The following EPG5 variants were observed in gnomAD, a reference collection of about 807,000 sequenced individuals.
EPG5 encodes ectopic P granules protein 5 homolog.
Under a neutral mutation model 302.7 loss-of-function variants are expected in EPG5, and 159 were observed. The ratio of observed to expected loss-of-function variants is 0.53; its 90% CI spans 0.46 to 0.60. The LOEUF is 0.60. Ranked by LOEUF, EPG5 falls within the 20% of genes least tolerant of loss-of-function variation. The pLI, the probability that EPG5 is intolerant of heterozygous loss-of-function variation, is 0.00. For synonymous variants in EPG5, 1,158 were observed against 1,136.8 expected, an observed-to-expected ratio of 1.02 and a Z score of -0.37; for missense variants, 2,896 against 3,092.4, an observed-to-expected ratio of 0.94 and a Z score of 1.51.
At chr18:45,935,660 G>C (rs1218754934) in intron 10 of EPG5, among the ~76,000 whole-genome samples, 1 of 152,190 alleles carries the variant, frequency 6.6e-6, no homozygotes, top group Non-Finnish European at 1.5e-5. Context: ...CTGTGGATGT[G>C]TGTGTCTGAG....
chr18:45,924,384 G>A (rs2050224306), intron 14 of EPG5, among the ~76,000 whole-genome samples: 1 of 152,224 alleles, frequency 6.6e-6, no homozygotes, highest in South Asian at 2.1e-4. Flanking sequence ...AGAGGGCCCA[G>A]ATGAATCTAT....
chr18:45,863,815 AG>A (rs1165189614), intron 39 of EPG5, among the ~76,000 whole-genome samples: 1 of 152,064 alleles, frequency 6.6e-6, no homozygotes. Flanking sequence ...CTGGATGTAA[AG>A]GGTTTTGTTT....
the EPG5 span, among the ~76,000 whole-genome samples, chr18:45,823,809 C>T: frequency 6.6e-6 from 1 of 152,070 alleles, no homozygotes. Context: ...ACAGCACGTG[C>T]GAGGAAGGAG....
At chr18:45,899,337 C>A in intron 27 of EPG5, 67 bp downstream of exon 27, 1 of 1,573,290 alleles carries the variant, frequency 6.4e-7, no homozygotes, top group South Asian at 1.1e-5. Context: ...CAATCTTTCT[C>A]ATTGATAAGC....
chr18:45,947,131 G>C lies in EPG5; in HGVS notation c.1572-363C>G, dbSNP rs374819642. Among the ~76,000 whole-genome samples the C allele has an allele frequency of 2.0e-3, 297 of 152,240 alleles. 1 individual carries two copies. Among genetic ancestry groups the C allele is most frequent in the Middle Eastern group, 0.014 (4 of 294 alleles). ...AGTTACTGAATAAAAAAGGGTAATG[G>C]AGGCTGGGCGTGGTGGCTCACGCCT... On this transcript the variant is annotated intron_variant, in intron 6 of 43. Coordinates refer to ENST00000282041, the MANE Select transcript of EPG5 (RefSeq NM_020964.3).
intron 31 of EPG5, 85 bp downstream of exon 31, chr18:45,882,189 C>G (rs1337015976): frequency 8.4e-7 from 1 of 1,194,002 alleles, no homozygotes; most frequent in African/African-American, 1.5e-5. Flanking sequence ...ACTTTCATAT[C>G]TTTGAATAAC....
intron 42 of EPG5, among the ~76,000 whole-genome samples, chr18:45,857,191 CCT>C (rs771421629): frequency 2.6e-5 from 4 of 152,074 alleles, no homozygotes; most frequent in Non-Finnish European, 5.9e-5. Flanking sequence ...CTCACTGAAA[CCT>C]CTGTCTCCCG....
At chr18:45,950,454 T>C (rs1358991906) in intron 4 of EPG5, among the ~76,000 whole-genome samples, 1 of 152,224 alleles carries the variant, frequency 6.6e-6, no homozygotes, top group African/African-American at 2.4e-5. Context: ...TTTCTGCTCT[T>C]GCTTCTTCCT....
chr18:45,897,883 A>T (rs1191452651), intron 27 of EPG5, among the ~76,000 whole-genome samples: 24 of 152,240 alleles, frequency 1.6e-4, no homozygotes, highest in Admixed American at 1.6e-3. Context: ...AAAGAAGGGA[A>T]ATTTCTGAAA....
chr18:45,805,423 TA>T, the EPG5 span, among the ~76,000 whole-genome samples: 87,554 of 132,390 alleles, frequency 0.66, 27,689 homozygotes, highest in East Asian at 0.91. Flanking sequence ...AGAGCTTCTG[TA>T]AAAAAAAAAA....
Position 45,930,693 on chromosome 18 carries a change from C to G in EPG5, c.2395G>C (p.Val799Leu), listed in dbSNP as rs376598755. ...NVDEDFIKII[V>L]LEIYEVSYVT... Reference sequence around the variant, plus strand: ...ATTCTAACCTCATATATCTCCAGAACAATAATTTTTATGAAGTCTTCGTCC... The same window carrying G: ...ATTCTAACCTCATATATCTCCAGAAGAATAATTTTTATGAAGTCTTCGTCC... Residue 799 changes from valine (V) to leucine (L), a missense_variant, in exon 12 of 44, where the codon GTT becomes CTT. Physicochemically the swap from Val to Leu is conservative, Grantham distance 32. Coordinates refer to ENST00000282041, the MANE Select transcript of EPG5 (RefSeq NM_020964.3). 6.3e-6 allele frequency: 10 copies of G among 1,592,194 alleles called. No homozygotes were observed. The African/African-American group carries it at 1.4e-4, about 22-fold the overall frequency.
chr18:45,870,778 T>C, intron 35 of EPG5, 36 bp from the exon 36 acceptor site: 2 of 1,447,464 alleles, frequency 1.4e-6, no homozygotes, highest in East Asian at 2.4e-5. Context: ...TGAAGACCTT[T>C]GGTTTACCTT....
chr18:45,960,824 A>G (rs1469616243), intron 1 of EPG5, among the ~76,000 whole-genome samples: 1 of 152,182 alleles, frequency 6.6e-6, no homozygotes, highest in African/African-American at 2.4e-5. Context: ...ATTTAAAACT[A>G]AAGTTTTTTT....
intron 40 of EPG5, among the ~76,000 whole-genome samples, chr18:45,859,056 G>C (rs2048578309): frequency 6.6e-6 from 1 of 152,154 alleles, no homozygotes; most frequent in African/African-American, 2.4e-5. Context: ...ATTCAGGGCT[G>C]CATACGTATA....
At chr18:45,825,869 A>C in the EPG5 span, 1 of 1,530,272 alleles carries the variant, frequency 6.5e-7, no homozygotes, top group Non-Finnish European at 9.0e-7. Context: ...GAAGGCAGGA[A>C]GCAGGTGTGC....
intron 10 of EPG5, among the ~76,000 whole-genome samples, chr18:45,936,767 C>A (rs2050535949): frequency 7.4e-6 from 1 of 134,304 alleles, no homozygotes. Flanking sequence ...TGTACAGCAA[C>A]TTACCTGTTA....
chr18:45,949,629 TAAAAG>T (rs2050860699), intron 4 of EPG5, 38 bp from the exon 5 acceptor site: 3 of 1,377,462 alleles, frequency 2.2e-6, no homozygotes, highest in East Asian at 4.6e-5. Context: ...CTATTTTTAA[TAAAAG>T]AAATAATTTA....
intron 9 of EPG5, among the ~76,000 whole-genome samples, chr18:45,942,617 AT>A (rs927043004): frequency 5.9e-4 from 90 of 152,320 alleles, no homozygotes; most frequent in African/African-American, 2.0e-3. Context: ...AAATAAAAAA[AT>A]AAAATAAATG....
intron 10 of EPG5, among the ~76,000 whole-genome samples, chr18:45,936,717 T>C (rs1168526835): frequency 7.5e-6 from 1 of 133,742 alleles, no homozygotes; most frequent in Non-Finnish European, 1.6e-5. Context: ...TGAGACTCCA[T>C]TTCAAAAAAA....
Sources: gnomAD v4.1 joint callset for allele counts (sites outside exome capture counted in the v4.1 genomes callset) on GRCh38, gnomAD v4.1.1 for gene constraint, MANE v1.5 for transcripts, NCBI Gene and HGNC (gene_info 2026-07-23, HGNC 2026-07-21) for gene names.